The following SCFD2 variants were observed in gnomAD, a reference collection of about 807,000 sequenced individuals.
SCFD2 encodes sec1 family domain-containing protein 2.
Under a neutral mutation model 58.9 loss-of-function variants are expected in SCFD2, and 54 were observed. The observed-to-expected ratio is 0.92, with a 90% confidence interval of 0.74 to 1.15. The LOEUF (loss-of-function observed/expected upper bound fraction) is 1.15, where lower values mean the gene tolerates loss of function less well. Among genes scored for constraint, SCFD2 ranks in the 50% most tolerant of loss-of-function variants. The pLI, the probability that SCFD2 is intolerant of heterozygous loss-of-function variation, is 0.00. For synonymous variants in SCFD2, 321 were observed against 335.9 expected (o/e 0.96, Z 0.49); for missense variants, 805 against 836.6 (o/e 0.96, Z 0.47).
chr4:53,282,723 T>TA (rs897494565), intron 3 of SCFD2, among the ~76,000 whole-genome samples: 66 of 151,894 alleles, frequency 4.3e-4, no homozygotes, highest in East Asian at 1.5e-3. Flanking sequence ...TACCAGGAAA[T>TA]AAAAAAAACA....
chr4:53,121,765 G>A (rs1416686993), intron 5 of SCFD2, among the ~76,000 whole-genome samples: 2 of 152,096 alleles, frequency 1.3e-5, no homozygotes, highest in Non-Finnish European at 2.9e-5. Flanking sequence ...GAAGAAAGTG[G>A]GATTCCAGGC....
chr4:52,954,569 C>T (rs749487927), intron 5 of SCFD2, among the ~76,000 whole-genome samples: 2 of 152,020 alleles, frequency 1.3e-5, no homozygotes, highest in African/African-American at 4.8e-5. Flanking sequence ...TTTCATATTC[C>T]GCCACCTAAT....
chr4:52,889,775 A>AACCT (rs1718838562), intron 7 of SCFD2, among the ~76,000 whole-genome samples: 1 of 152,220 alleles, frequency 6.6e-6, no homozygotes, highest in African/African-American at 2.4e-5. Context: ...ACCCTCTCAT[A>AACCT]ACCTACTCCT....
At chr4:53,143,991 C>T (rs1726244020) in intron 5 of SCFD2, among the ~76,000 whole-genome samples, 1 of 151,932 alleles carries the variant, frequency 6.6e-6, no homozygotes, top group African/African-American at 2.4e-5. Context: ...AACATGAATG[C>T]CTTCATGAGT....
intron 2 of SCFD2, among the ~76,000 whole-genome samples, chr4:53,342,172 AAAGAGTC>A (rs1271348246): frequency 1.2e-4 from 19 of 152,194 alleles, no homozygotes; most frequent in Non-Finnish European, 2.9e-5. Flanking sequence ...CAAATTGGAT[AAAGAGTC>A]AAGACCCATC....
chr4:53,357,080 T>C (rs28454103), intron 1 of SCFD2, among the ~76,000 whole-genome samples: 16,946 of 152,088 alleles, frequency 0.11, 1,726 homozygotes, highest in South Asian at 0.28. Flanking sequence ...TTTTTAGCAC[T>C]ATTTCCCCTA....
chr4:53,114,970 C>A (rs987601172), intron 5 of SCFD2, among the ~76,000 whole-genome samples: 17 of 151,782 alleles, frequency 1.1e-4, no homozygotes, highest in African/African-American at 4.1e-4. Context: ...CAACCTCTAA[C>A]AACACTATAC....
At chr4:52,898,671 G>GC (rs1719093481) in intron 7 of SCFD2, among the ~76,000 whole-genome samples, 1 of 152,186 alleles carries the variant, frequency 6.6e-6, no homozygotes, top group African/African-American at 2.4e-5. Flanking sequence ...TATTAGGTCT[G>GC]CTTGGTGCAG....
intron 6 of SCFD2, among the ~76,000 whole-genome samples, chr4:52,916,967 A>C (rs1259856183): frequency 1.3e-5 from 2 of 152,164 alleles, no homozygotes; most frequent in Admixed American, 1.3e-4. Flanking sequence ...GCAAAATAAT[A>C]GCTCACTGCA....
intron 7 of SCFD2, among the ~76,000 whole-genome samples, chr4:52,886,324 T>C (rs1057355262): frequency 2.0e-5 from 3 of 152,184 alleles, no homozygotes; most frequent in Non-Finnish European, 2.9e-5. Flanking sequence ...CTGACTTCGG[T>C]TGGGGGACCA....
intron 5 of SCFD2, among the ~76,000 whole-genome samples, chr4:53,010,251 A>G (rs1211291326): frequency 1.3e-5 from 2 of 152,208 alleles, no homozygotes; most frequent in Non-Finnish European, 2.9e-5. Flanking sequence ...TATTCCTGAC[A>G]GCTTCGCAAT....
intron 4 of SCFD2, among the ~76,000 whole-genome samples, chr4:53,150,339 G>A (rs1726467727): frequency 6.6e-6 from 1 of 152,182 alleles, no homozygotes; most frequent in African/African-American, 2.4e-5. Flanking sequence ...GTCTCCATCA[G>A]TGGCAAAGAG....
chr4:53,212,243 A>T (rs1728636166), intron 4 of SCFD2, among the ~76,000 whole-genome samples: 1 of 152,066 alleles, frequency 6.6e-6, no homozygotes, highest in Non-Finnish European at 1.5e-5. Flanking sequence ...CAAAGTCGGT[A>T]AAGTTAACCA....
At chr4:53,053,104 A>G (rs1046969103) in intron 5 of SCFD2, among the ~76,000 whole-genome samples, 1 of 152,062 alleles carries the variant, frequency 6.6e-6, no homozygotes, top group Non-Finnish European at 1.5e-5. Flanking sequence ...ACACGCTTGT[A>G]ATCCCAGCTA....
intron 5 of SCFD2, among the ~76,000 whole-genome samples, chr4:53,008,545 C>G (rs1722029142): frequency 6.6e-6 from 1 of 152,228 alleles, no homozygotes; most frequent in Non-Finnish European, 1.5e-5. Context: ...CAACAAAACT[C>G]TTTACAATGT....
At chr4:53,277,774 T>G (rs1437219443) in intron 3 of SCFD2, among the ~76,000 whole-genome samples, 1 of 152,164 alleles carries the variant, frequency 6.6e-6, no homozygotes, top group African/African-American at 2.4e-5. Context: ...CAGTCCAGGC[T>G]CGGCGCGGTG....
intron 5 of SCFD2, among the ~76,000 whole-genome samples, chr4:52,934,583 C>A (rs1720089743): frequency 6.6e-6 from 1 of 152,302 alleles, no homozygotes. Context: ...GGAATTGCAG[C>A]TCCTAGAAAT....
chr4:53,234,537 C>T (rs1359624493), intron 4 of SCFD2, among the ~76,000 whole-genome samples: 1 of 152,168 alleles, frequency 6.6e-6, no homozygotes, highest in Admixed American at 6.5e-5. Flanking sequence ...GAGGAGCCAA[C>T]ATGTTAGGCA....
At chr4:53,278,334 G>C (rs1160579236) in intron 3 of SCFD2, among the ~76,000 whole-genome samples, 2 of 151,024 alleles carry the variant, frequency 1.3e-5, no homozygotes, top group Non-Finnish European at 2.9e-5. Flanking sequence ...ATTCCAGCCT[G>C]GGAGGCAGAG....
Sources: allele counts gnomAD v4.1 joint callset (sites outside exome capture counted in the v4.1 genomes callset), GRCh38; gene constraint gnomAD v4.1.1; transcripts MANE v1.5; gene names NCBI Gene and HGNC (gene_info 2026-07-23, HGNC 2026-07-21).